Variants in SLC25A21 observed in about 807,000 individuals in gnomAD.
SLC25A21 encodes the protein solute carrier family 25 member 21.
Under a neutral mutation model 43.8 loss-of-function variants are expected in SLC25A21, and 47 were observed. The ratio of observed to expected loss-of-function variants is 1.07; its 90% confidence interval spans 0.85 to 1.37. SLC25A21 has a LOEUF of 1.37. Among genes scored for constraint, SLC25A21 ranks in the 40% most tolerant of loss-of-function variants. The probability of loss-of-function intolerance (pLI) is 0.00; values close to 1 mark genes in which losing one functional copy is unlikely to be tolerated. For missense variants in SLC25A21, 352 were observed against 350.2 expected (o/e 1.00, Z -0.04); for synonymous variants, 131 against 121.3 (o/e 1.08, Z -0.52).
At chr14:36,791,040 C>T (rs1348639239) in intron 3 of SLC25A21, among the ~76,000 whole-genome samples, 1 of 152,036 alleles carries the variant, frequency 6.6e-6, no homozygotes, top group African/African-American at 2.4e-5. Flanking sequence ...TAAGCAATAG[C>T]TACAGGCTTT....
intron 1 of SLC25A21, among the ~76,000 whole-genome samples, chr14:37,060,034 T>C (rs1961910543): frequency 6.6e-6 from 1 of 152,164 alleles, no homozygotes; most frequent in African/African-American, 2.4e-5. Flanking sequence ...CCCTTAACTC[T>C]GTGCTATGGA....
At chr14:36,919,752 A>G (rs529716769) in intron 1 of SLC25A21, among the ~76,000 whole-genome samples, 1 of 152,098 alleles carries the variant, frequency 6.6e-6, no homozygotes, top group East Asian at 1.9e-4. Flanking sequence ...AGACAGTAGG[A>G]ATTTTGATTG....
chr14:37,042,538 C>G (rs1372855371), intron 1 of SLC25A21, among the ~76,000 whole-genome samples: 1 of 152,070 alleles, frequency 6.6e-6, no homozygotes, highest in Non-Finnish European at 1.5e-5. Context: ...TACAAAAATA[C>G]TCTTTAGATA....
Position 36,966,929 on chromosome 14 carries a change from G to A in SLC25A21, c.71-91925C>T, listed in dbSNP as rs1440080537. Among the ~76,000 whole-genome samples the A allele has an allele frequency of 5.3e-5, 8 of 152,120 alleles. 1 individual carries two copies. The South Asian group carries it at 1.7e-3, about 32-fold the overall frequency. On this transcript the variant is annotated intron_variant, in intron 1 of 9. Coordinates refer to ENST00000331299, the MANE Select transcript of SLC25A21 (RefSeq NM_030631.4). Reference sequence around the variant, plus strand: ...TTAGGCAGCAAAAGGAAACTTCCATGTGAACTTTTATTTCTCTATAAAGAA... The same window carrying A: ...TTAGGCAGCAAAAGGAAACTTCCATATGAACTTTTATTTCTCTATAAAGAA...
At chr14:36,936,851 G>C (rs61989468) in intron 1 of SLC25A21, among the ~76,000 whole-genome samples, 2,947 of 152,206 alleles carry the variant, frequency 0.019, 46 homozygotes, top group Non-Finnish European at 0.031. Flanking sequence ...GAGAAACATG[G>C]TAAATCCCCA....
At chr14:37,079,426 CCT>C (rs1962344034) in intron 1 of SLC25A21, among the ~76,000 whole-genome samples, 1 of 152,152 alleles carries the variant, frequency 6.6e-6, no homozygotes, top group Non-Finnish European at 1.5e-5. Flanking sequence ...TTCTTTGACT[CCT>C]CTGTCTCATT....
intron 1 of SLC25A21, among the ~76,000 whole-genome samples, chr14:36,955,728 TG>T (rs1959323012): frequency 7.8e-6 from 1 of 128,122 alleles, no homozygotes; most frequent in African/African-American, 2.7e-5. Context: ...GGCCTAAGGT[TG>T]TTTTTTTTTG....
intron 1 of SLC25A21, among the ~76,000 whole-genome samples, chr14:36,894,213 C>G (rs1177607): frequency 2.0e-5 from 3 of 151,748 alleles, no homozygotes; most frequent in Non-Finnish European, 2.9e-5. Context: ...CTTTTATTTC[C>G]TTGAGCAGTG....
chr14:36,811,919 T>C (rs1052004658), intron 3 of SLC25A21, among the ~76,000 whole-genome samples: 52 of 152,266 alleles, frequency 3.4e-4, no homozygotes, highest in African/African-American at 9.9e-4. Flanking sequence ...ATGGAAAAGA[T>C]AGATAATACA....
At chr14:36,963,803 C>T (rs1179765571) in intron 1 of SLC25A21, among the ~76,000 whole-genome samples, 1 of 152,136 alleles carries the variant, frequency 6.6e-6, no homozygotes, top group African/African-American at 2.4e-5. Context: ...ATGGCTAGAA[C>T]ATCACTGTTT....
At chr14:36,818,109 A>C (rs1452909991) in intron 2 of SLC25A21, among the ~76,000 whole-genome samples, 1 of 152,184 alleles carries the variant, frequency 6.6e-6, no homozygotes, top group East Asian at 1.9e-4. Context: ...TACCATACAC[A>C]AAAACTATTG....
At chr14:36,955,501 T>C (rs549914585) in intron 1 of SLC25A21, among the ~76,000 whole-genome samples, 1 of 152,332 alleles carries the variant, frequency 6.6e-6, no homozygotes, top group Admixed American at 6.5e-5. Context: ...GATGGCCTAC[T>C]TGACTTGTTG....
Position 36,992,677 on chromosome 14 carries a change from CT to C in SLC25A21, c.71-117674del, listed in dbSNP as rs913220120. ...TTTTTGTAGTATGAGAAAATCATAA[CT>C]TTTTTTTTCCAGGAACTTGTTTTGC... On this transcript the variant is annotated intron_variant, in intron 1 of 9. Transcript: ENST00000331299. Among the ~76,000 whole-genome samples, 40 of 151,612 alleles carry C rather than the reference CT, an allele frequency of 2.6e-4. No individual in the cohort carries two copies. The East Asian group carries it at 4.5e-3, about 17-fold the overall frequency.
At chr14:37,149,257 T>C (rs1963718177) in intron 1 of SLC25A21, among the ~76,000 whole-genome samples, 1 of 152,136 alleles carries the variant, frequency 6.6e-6, no homozygotes, top group Non-Finnish European at 1.5e-5. Context: ...TATACACCAA[T>C]GCAGATGTCC....
At chr14:36,960,223 C>T (rs1030217960) in intron 1 of SLC25A21, among the ~76,000 whole-genome samples, 1 of 152,142 alleles carries the variant, frequency 6.6e-6, no homozygotes, top group Non-Finnish European at 1.5e-5. Flanking sequence ...AATCCTCTTC[C>T]TATCCAATTA....
intron 1 of SLC25A21, among the ~76,000 whole-genome samples, chr14:37,032,769 T>C (rs1481249396): frequency 1.3e-5 from 2 of 151,640 alleles, no homozygotes; most frequent in African/African-American, 4.9e-5. Context: ...GAACTGGCAA[T>C]GGATATGTGG....
intron 1 of SLC25A21, among the ~76,000 whole-genome samples, chr14:36,940,754 T>C (rs1892535787): frequency 6.6e-6 from 1 of 152,138 alleles, no homozygotes; most frequent in Non-Finnish European, 1.5e-5. Flanking sequence ...ATGACCATCT[T>C]TGAAGTTGGA....
At chr14:37,091,083 T>A (rs1005803410) in intron 1 of SLC25A21, among the ~76,000 whole-genome samples, 3 of 152,202 alleles carry the variant, frequency 2.0e-5, no homozygotes, top group Admixed American at 2.0e-4. Context: ...AACTCAAGCC[T>A]GAACAAAGCT....
intron 1 of SLC25A21, among the ~76,000 whole-genome samples, chr14:36,918,012 CTT>C (rs1289856554): frequency 1.3e-5 from 2 of 152,080 alleles, no homozygotes; most frequent in Non-Finnish European, 2.9e-5. Context: ...TAGCATCACT[CTT>C]TGTATACGCA....
Sources: allele counts gnomAD v4.1 joint callset (sites outside exome capture counted in the v4.1 genomes callset), GRCh38; gene constraint gnomAD v4.1.1; transcripts MANE v1.5; gene names NCBI Gene and HGNC (gene_info 2026-07-23, HGNC 2026-07-21).